SMAP2: variants seen among roughly 807,000 people sequenced by gnomAD.
The protein encoded by SMAP2 is stromal membrane-associated protein 2.
SMAP2 carries 25 observed loss-of-function variants against 56.4 expected under a neutral mutation model. That is an observed-to-expected ratio of 0.44 (90% confidence interval 0.32 to 0.62). SMAP2 has a LOEUF of 0.62. Ranked by LOEUF, SMAP2 falls within the 20% of genes least tolerant of loss-of-function variation. The pLI, the probability that SMAP2 is intolerant of heterozygous loss-of-function variation, is 0.04. For synonymous variants in SMAP2, 157 were observed against 181.7 expected, an observed-to-expected ratio of 0.86 and a Z score of 1.09; for missense variants, 388 against 545.6, an observed-to-expected ratio of 0.71 and a Z score of 2.88.
intron 1 of SMAP2, among the ~76,000 whole-genome samples, chr1:40,362,115 C>G (rs1023580853): frequency 2.6e-5 from 4 of 152,082 alleles, no homozygotes; most frequent in Non-Finnish European, 2.9e-5. Context: ...TGTGAGCCCT[C>G]GCTGTAGGAG....
At chr1:40,420,468 T>C (rs189275815) in intron 9 of SMAP2, among the ~76,000 whole-genome samples, 6 of 152,320 alleles carry the variant, frequency 3.9e-5, no homozygotes, top group African/African-American at 1.4e-4. Flanking sequence ...CACGGTGATA[T>C]TTTTTAAAAA....
At chr1:40,403,814 A>T (rs1644859607) in intron 1 of SMAP2, 1 of 241,764 alleles carries the variant, frequency 4.1e-6, no homozygotes, top group Non-Finnish European at 6.7e-6. Context: ...AAGTCCTACA[A>T]CTGGCAGAGT....
At position 40,398,095 on chromosome 1, in the gene SMAP2, T is replaced by A. The variant is rs191198935; in HGVS notation, c.104-8641T>A. Among the ~76,000 whole-genome samples, 691 of 152,270 alleles carry A rather than the reference T, an allele frequency of 4.5e-3. 2 individuals are homozygous for A. The highest frequency in any genetic ancestry group is 0.01 in the Middle Eastern group (3 of 294). ...CTGGTTTTTCCCATTGCAAAATTAA[T>A]AGAAAGCTCATTGCAAACAATTCAG... On this transcript the variant is annotated intron_variant, in intron 1 of 9. Transcript: ENST00000372718.
chr1:40,354,865 C>A (rs976833070), intron 1 of SMAP2, among the ~76,000 whole-genome samples: 4 of 136,814 alleles, frequency 2.9e-5, no homozygotes, highest in Admixed American at 2.3e-4. Flanking sequence ...CTCACTCCAA[C>A]CTCCACCTCC....
chr1:40,415,087 C>T (rs1644973930), intron 6 of SMAP2, among the ~76,000 whole-genome samples, 185 bp from the exon 7 acceptor site: 1 of 152,154 alleles, frequency 6.6e-6, no homozygotes, highest in South Asian at 2.1e-4. Context: ...ACAGGCTTCC[C>T]CAGAGCACTC....
intron 1 of SMAP2, among the ~76,000 whole-genome samples, chr1:40,356,346 T>A (rs145879116): frequency 6.6e-6 from 1 of 152,288 alleles, no homozygotes; most frequent in East Asian, 1.9e-4. Context: ...GATATACACC[T>A]TGCAATGGGA....
intron 1 of SMAP2, among the ~76,000 whole-genome samples, chr1:40,388,999 C>T (rs1247966823): frequency 1.3e-5 from 2 of 151,918 alleles, no homozygotes; most frequent in Non-Finnish European, 2.9e-5. Flanking sequence ...AGCGAGACCA[C>T]GAACCCCACC....
intron 1 of SMAP2, among the ~76,000 whole-genome samples, chr1:40,360,419 T>G (rs1026515862): frequency 6.6e-6 from 1 of 151,884 alleles, no homozygotes; most frequent in African/African-American, 2.4e-5. Context: ...TTCTCCTGCC[T>G]CAGCCTCCTG....
In SMAP2 at chr1:40,374,979, G is replaced by C; in HGVS notation, c.103+756G>C. On this transcript the variant is annotated intron_variant, in intron 1 of 9. Transcript: ENST00000372718. This position sits in a 1 kb window ranked among gnomAD's most constrained non-coding sequence, Gnocchi z 5.9. ...TCAGTGGAGAGAGAAAGATGAATTC[G>C]ATGAATTCATTGCTTCCATGGCGAT... 2.0e-6 allele frequency: 2 copies of C among 985,144 alleles called. No individual in the cohort carries two copies. Among genetic ancestry groups the C allele is most frequent in the South Asian group, 4.7e-5 (1 of 21,276 alleles). 61.0% of individuals were successfully genotyped at this position (985,144 alleles called of 1,614,324 possible).
At chr1:40,353,635 G>A (rs1383729878) in intron 1 of SMAP2, among the ~76,000 whole-genome samples, 1 of 152,196 alleles carries the variant, frequency 6.6e-6, no homozygotes, top group Non-Finnish European at 1.5e-5. Context: ...CTCCCAAAGT[G>A]CTGGGATTAC....
intron 7 of SMAP2, among the ~76,000 whole-genome samples, chr1:40,415,794 A>C (rs935620592): frequency 6.6e-6 from 1 of 151,948 alleles, no homozygotes; most frequent in Admixed American, 6.6e-5. Context: ...TAATAATTTC[A>C]CTCCTTCACC....
chr1:40,372,244 A>C (rs954571304), upstream of SMAP2, among the ~76,000 whole-genome samples: 9 of 152,138 alleles, frequency 5.9e-5, no homozygotes, highest in African/African-American at 2.2e-4. Flanking sequence ...ACTAAGGTAC[A>C]ATCACCACTC....
chr1:40,375,727 C>T, intron 1 of SMAP2: 1 of 940,152 alleles, frequency 1.1e-6, no homozygotes, highest in Non-Finnish European at 1.3e-6. Flanking sequence ...TTCAAATTCC[C>T]TTATGTCCTC....
intron 9 of SMAP2, among the ~76,000 whole-genome samples, chr1:40,417,335 C>G (rs573888232): frequency 6.6e-6 from 1 of 151,384 alleles, no homozygotes; most frequent in South Asian, 2.1e-4. Flanking sequence ...AATCTCTCCA[C>G]ACATTCTCAA....
At chr1:40,381,535 A>G (rs1041912051) in intron 1 of SMAP2, among the ~76,000 whole-genome samples, 4 of 152,030 alleles carry the variant, frequency 2.6e-5, no homozygotes, top group African/African-American at 9.7e-5. Flanking sequence ...TCGAAGGTGC[A>G]CTGTTTTGTG....
At chr1:40,365,098 C>T in intron 2 of SMAP2, 1 of 217,162 alleles carries the variant, frequency 4.6e-6, no homozygotes, top group Admixed American at 4.3e-5. Flanking sequence ...TGTCAACTTC[C>T]TAGTGTCATT....
chr1:40,404,619 G>A (rs1644868115), intron 1 of SMAP2, among the ~76,000 whole-genome samples: 1 of 152,152 alleles, frequency 6.6e-6, no homozygotes, highest in Non-Finnish European at 1.5e-5. Flanking sequence ...GACTTTGTTA[G>A]CAAACAAATA....
At chr1:40,420,849 G>T (rs1645035091) in intron 9 of SMAP2, among the ~76,000 whole-genome samples, 3 of 152,214 alleles carry the variant, frequency 2.0e-5, no homozygotes, top group Admixed American at 1.3e-4. Context: ...AGAAATGGAA[G>T]GAAGTGTTAG....
At chr1:40,355,030 C>T (rs7541548) in intron 1 of SMAP2, among the ~76,000 whole-genome samples, 21,143 of 151,580 alleles carry the variant, frequency 0.14, 1,618 homozygotes, top group East Asian at 0.24. Context: ...GTCATCTGCC[C>T]GCCTCACCCT....
Sources: gnomAD v4.1 joint callset for allele counts (sites outside exome capture counted in the v4.1 genomes callset) on GRCh38, gnomAD v4.1.1 for gene constraint, Gnocchi (gnomAD v3.1) non-coding constraint, MANE v1.5 for transcripts, NCBI Gene and HGNC (gene_info 2026-07-23, HGNC 2026-07-21) for gene names.